Variants in ZNF516 observed in about 807,000 individuals in gnomAD.
ZNF516 encodes the protein zinc finger protein 516.
Under a neutral mutation model 79.7 loss-of-function variants are expected in ZNF516, and 19 were observed. The ratio of observed to expected loss-of-function variants is 0.24; its 90% CI spans 0.17 to 0.35. The LOEUF (loss-of-function observed/expected upper bound fraction) is 0.35, where lower values mean the gene tolerates loss of function less well. Ranked by LOEUF, ZNF516 falls within the 10% of genes least tolerant of loss-of-function variation. ZNF516 has a pLI of 1.00. For synonymous variants in ZNF516, 877 were observed against 739.5 expected (o/e 1.19, Z -3.02); for missense variants, 1,678 against 1,679.5 (o/e 1.00, Z 0.02).
intron 3 of ZNF516, chr18:76,388,664 T>C (rs1395736060): frequency 1.3e-5 from 2 of 152,100 alleles, no homozygotes; most frequent in African/African-American, 4.8e-5. Flanking sequence ...ACTCAGAAGT[T>C]TTCGATGAGA....
chr18:76,373,802 T>A (rs2074745582), intron 4 of ZNF516, among the ~76,000 whole-genome samples: 1 of 152,256 alleles, frequency 6.6e-6, no homozygotes. Flanking sequence ...CACTTTCTCT[T>A]TACTTTTTAA....
rs147013591 is a variant in ZNF516 at position 76,412,446 on chromosome 18, C to T, written c.1810+28799G>A. On this transcript the variant is annotated intron_variant, in intron 3 of 6. Coordinates refer to ENST00000443185, the MANE Select transcript of ZNF516 (RefSeq NM_014643.4). Reference sequence around the variant, plus strand: ...ACTCTTAGCTTAGTCCTACTGCACACAGGCGTGACCCCAAACACTGCCTCC... The same window carrying T: ...ACTCTTAGCTTAGTCCTACTGCACATAGGCGTGACCCCAAACACTGCCTCC... Among the ~76,000 whole-genome samples, 33 of 152,322 alleles carry T rather than the reference C, an allele frequency of 2.2e-4. No individual in the cohort carries two copies. In the East Asian group the frequency reaches 6.4e-3, roughly 29 times the overall value.
intron 3 of ZNF516, among the ~76,000 whole-genome samples, chr18:76,418,619 GA>G (rs531875024): frequency 2.0e-5 from 3 of 148,968 alleles, no homozygotes; most frequent in Non-Finnish European, 3.0e-5. Flanking sequence ...CTTAAAATAT[GA>G]AAAAAAAACC....
intron 2 of ZNF516, among the ~76,000 whole-genome samples, chr18:76,456,752 T>TGGGGGGGGGGGGGGGG (rs5826456): frequency 8.5e-6 from 1 of 117,716 alleles, no homozygotes; most frequent in Non-Finnish European, 1.8e-5. Flanking sequence ...GGCTGGGGGG[T>TGGGGGGGGGGGGGGGG]GGGGGGGGGC....
At chr18:76,489,586 CAA>C (rs5826461) in intron 1 of ZNF516, among the ~76,000 whole-genome samples, 14,197 of 109,680 alleles carry the variant, frequency 0.13, 502 homozygotes, top group South Asian at 0.18. Context: ...CAACATCTTA[CAA>C]AAAAAAAAAA....
chr18:76,484,815 A>G (rs1409017610), intron 1 of ZNF516, among the ~76,000 whole-genome samples: 2 of 152,232 alleles, frequency 1.3e-5, no homozygotes, highest in Non-Finnish European at 2.9e-5. Context: ...CTTACTTTCT[A>G]AAGTTCAAAT....
rs1322953464 is a variant in ZNF516 at position 76,359,895 on chromosome 18, G to A, written c.*2603C>T. On this transcript the variant is annotated 3_prime_UTR_variant, in exon 7 of 7. Transcript: ENST00000443185. ...AAACACAAATCATATTAAATACTATGACCAAATCAACAAATTAACAAACCA... is the reference window on the plus strand; with the variant it reads ...AAACACAAATCATATTAAATACTATAACCAAATCAACAAATTAACAAACCA... 1 of 152,140 alleles carries A rather than the reference G, an allele frequency of 6.6e-6. No homozygotes were observed. 9.4% of individuals were successfully genotyped at this position (152,140 alleles called of 1,614,324 possible).
chr18:76,413,120 G>A (rs1014232573), intron 3 of ZNF516, among the ~76,000 whole-genome samples: 1 of 152,360 alleles, frequency 6.6e-6, no homozygotes. Flanking sequence ...AGGACGTACT[G>A]CTGAAAATGC....
At chr18:76,479,057 A>C (rs1321727730) in intron 1 of ZNF516, among the ~76,000 whole-genome samples, 1 of 129,802 alleles carries the variant, frequency 7.7e-6, no homozygotes, top group Non-Finnish European at 1.8e-5. Context: ...ATTCTGTCCA[A>C]AAAAAAAAAA....
Position 76,464,636 on chromosome 18 carries a change from T to C in ZNF516, c.-271-1495A>G, listed in dbSNP as rs555738313. ...TGGCCTCCTGGACTTGCAGGGCCTC[T>C]CTGGCACCCCCAGCCTTGTCATTTC... On this transcript the variant is annotated intron_variant, in intron 1 of 6. Transcript: ENST00000443185. 5.7e-3 allele frequency among the ~76,000 whole-genome samples: 853 copies of C among 149,870 alleles called. 5 individuals carry two copies. Among genetic ancestry groups the C allele is most frequent in the Admixed American group, 9.0e-3 (135 of 15,036 alleles).
chr18:76,406,208 T>C (rs1427880446), intron 3 of ZNF516, among the ~76,000 whole-genome samples: 1 of 152,196 alleles, frequency 6.6e-6, no homozygotes, highest in Non-Finnish European at 1.5e-5. Flanking sequence ...CACCACCAGG[T>C]GGCGCCTGTG....
intron 1 of ZNF516, among the ~76,000 whole-genome samples, chr18:76,484,899 G>A (rs1914740259): frequency 6.6e-6 from 1 of 152,182 alleles, no homozygotes; most frequent in Non-Finnish European, 1.5e-5. Context: ...ACCATTAACA[G>A]ATTCTGCTTT....
intron 4 of ZNF516, 27 bp downstream of exon 4, chr18:76,378,828 G>C: frequency 1.3e-6 from 2 of 1,597,242 alleles, no homozygotes; most frequent in Non-Finnish European, 1.7e-6. Context: ...CATGTGGCCT[G>C]GGGAAGAGAG....
At chr18:76,380,828 C>G (rs1354709218) in intron 3 of ZNF516, among the ~76,000 whole-genome samples, 2 of 152,222 alleles carry the variant, frequency 1.3e-5, no homozygotes, top group Admixed American at 6.5e-5. Context: ...TCCGAAACCA[C>G]TGGGCTACCG....
At chr18:76,437,397 G>C (rs886881291) in intron 3 of ZNF516, among the ~76,000 whole-genome samples, 3 of 152,082 alleles carry the variant, frequency 2.0e-5, no homozygotes, top group African/African-American at 7.2e-5. Flanking sequence ...ACACTCTGAA[G>C]GTAGAGCCAT....
At position 76,442,431 on chromosome 18, in the gene ZNF516, C is replaced by G; in HGVS notation, c.624G>C (p.Ala208=). The stretch of plus-strand genomic sequence containing the variant: ...TCAGCAGCGACTCCTCCCGCAGCGT[C>G]GCGTAGCTGCACAGCCTGCACTTGA... ...KPFKCRLCSY[A]TLREESLLSH... is the part of the protein sequence containing the mutation. Residue 208 remains alanine, a synonymous_variant, in exon 3 of 7, where the codon GCG becomes GCC. Coordinates refer to ENST00000443185, the MANE Select transcript of ZNF516 (RefSeq NM_014643.4). 6.2e-7 allele frequency: 1 copy of G among 1,606,748 alleles called. No individual in the cohort carries two copies. Among genetic ancestry groups the G allele is most frequent in the Non-Finnish European group, 8.5e-7 (1 of 1,179,644 alleles).
In ZNF516 at chr18:76,443,728, A is replaced by G. The variant is rs1362132952; in HGVS notation, c.-157-517T>C. ...CAATGGGATACGAGCTGAGAAATGC[A>G]TTGTTAGGCGATTTCGTCCCTGTGC... On this transcript the variant is annotated intron_variant, in intron 2 of 6. Coordinates refer to ENST00000443185, the MANE Select transcript of ZNF516 (RefSeq NM_014643.4). Among the ~76,000 whole-genome samples the G allele has an allele frequency of 2.6e-5, 4 of 152,218 alleles. No individual in the cohort carries two copies. In the South Asian group the frequency reaches 6.2e-4, roughly 24 times the overall value.
rs200466814 is a variant in ZNF516 at position 76,380,179 on chromosome 18, C to T, written c.1935G>A (p.Gly645=). 1.7e-4 allele frequency: 279 copies of T among 1,613,978 alleles called. No homozygotes were observed. The highest frequency in any genetic ancestry group is 2.3e-4 in the Non-Finnish European group (268 of 1,179,898). Residue 645 remains glycine (G), a synonymous_variant, in exon 4 of 7, where the codon GGG becomes GGA. Coordinates refer to ENST00000443185, the MANE Select transcript of ZNF516 (RefSeq NM_014643.4). ...SERDTGESKA[G]IAASVSILEN... ...CAAGTATGGACACAGAAGCTGCGAT[C>T]CCTGCCTTGGACTCGCCGGTGTCTC...
At chr18:76,363,823 T>C (rs937483550) in intron 6 of ZNF516, among the ~76,000 whole-genome samples, 1 of 152,136 alleles carries the variant, frequency 6.6e-6, no homozygotes, top group Admixed American at 6.5e-5. Context: ...CAAAGAAAAC[T>C]GGGAGTTATA....
Sources: gnomAD v4.1 joint callset for allele counts (sites outside exome capture counted in the v4.1 genomes callset) on GRCh38, gnomAD v4.1.1 for gene constraint, MANE v1.5 for transcripts, NCBI Gene and HGNC (gene_info 2026-07-23, HGNC 2026-07-21) for gene names.